NEDD4L: variants seen among roughly 807,000 people sequenced by gnomAD.
NEDD4L encodes the protein E3 ubiquitin-protein ligase NEDD4-like.
A neutral mutation model predicts 148.9 loss-of-function variants in NEDD4L; 54 were observed. The ratio of observed to expected loss-of-function variants is 0.36; its 90% CI spans 0.29 to 0.45. NEDD4L has a LOEUF of 0.45. NEDD4L is among the 20% of genes least tolerant of loss of function. The probability of loss-of-function intolerance (pLI) is 1.00; values close to 1 mark genes in which losing one functional copy is unlikely to be tolerated. For synonymous variants in NEDD4L, 433 were observed against 440.7 expected, an observed-to-expected ratio of 0.98 and a Z score of 0.22; for missense variants, 856 against 1,233.8, an observed-to-expected ratio of 0.69 and a Z score of 4.59.
chr18:58,178,767 G>A (rs909087089), intron 2 of NEDD4L, among the ~76,000 whole-genome samples: 1 of 152,176 alleles, frequency 6.6e-6, no homozygotes, highest in African/African-American at 2.4e-5. Flanking sequence ...AGGGTTGTTC[G>A]CATTTTTATC....
chr18:58,048,684 G>A (rs1049000990), intron 1 of NEDD4L, among the ~76,000 whole-genome samples: 1 of 152,130 alleles, frequency 6.6e-6, no homozygotes, highest in Admixed American at 6.5e-5. Context: ...ATTTGACCAG[G>A]AACCCTGCTT....
chr18:58,388,157 A>G (rs2049294540), intron 27 of NEDD4L: 1 of 152,186 alleles, frequency 6.6e-6, no homozygotes, highest in Admixed American at 6.5e-5. Flanking sequence ...ACAAAGGAAT[A>G]TCTCGCCCTT....
At position 58,245,040 on chromosome 18, in the gene NEDD4L, T is replaced by A. The variant is rs1312293904; in HGVS notation, c.123-387T>A. On this transcript the variant is annotated intron_variant, in intron 2 of 30. Coordinates refer to ENST00000400345, the MANE Select transcript of NEDD4L (RefSeq NM_001144967.3). The stretch of plus-strand genomic sequence containing the variant: ...GTAAAATGGTAGGTGTTGGGTCACA[T>A]GAACAATGGCTCTTTTACCTCCACT... Among the ~76,000 whole-genome samples, 6 of 152,292 alleles carry A rather than the reference T, an allele frequency of 3.9e-5. No individual in the cohort carries two copies. In the East Asian group the frequency reaches 7.7e-4, roughly 20 times the overall value.
At chr18:58,312,923 G>A (rs1375392243) in intron 5 of NEDD4L, among the ~76,000 whole-genome samples, 1 of 152,162 alleles carries the variant, frequency 6.6e-6, no homozygotes, top group Non-Finnish European at 1.5e-5. Flanking sequence ...CAAGTGATCT[G>A]CCCGCCTCAG....
chr18:58,083,613 G>T (rs972328185), intron 1 of NEDD4L, among the ~76,000 whole-genome samples: 1 of 152,118 alleles, frequency 6.6e-6, no homozygotes, highest in African/African-American at 2.4e-5. Context: ...GCATGAACTC[G>T]GGAGGCAGAG....
At chr18:58,060,065 C>T (rs1287191368) in intron 1 of NEDD4L, among the ~76,000 whole-genome samples, 5 of 131,598 alleles carry the variant, frequency 3.8e-5, no homozygotes, top group South Asian at 2.5e-4. Flanking sequence ...ACAAGCAGTC[C>T]GGTTGTAGAC....
chr18:58,076,324 A>T (rs145370035), intron 1 of NEDD4L, among the ~76,000 whole-genome samples: 7 of 152,202 alleles, frequency 4.6e-5, no homozygotes, highest in Non-Finnish European at 1.0e-4. Context: ...CCTTGATTCC[A>T]TTCGTAATAC....
chr18:58,223,442 G>T (rs1431690403), intron 2 of NEDD4L, among the ~76,000 whole-genome samples: 1 of 152,182 alleles, frequency 6.6e-6, no homozygotes, highest in Non-Finnish European at 1.5e-5. Context: ...TGTGGTGATG[G>T]TGGGGGGCTC....
At position 58,064,348 on chromosome 18, in the gene NEDD4L, G is replaced by A. The variant is rs187219050; in HGVS notation, c.48+19640G>A. On this transcript the variant is annotated intron_variant, in intron 1 of 30. Coordinates refer to ENST00000400345, the MANE Select transcript of NEDD4L (RefSeq NM_001144967.3). The stretch of plus-strand genomic sequence containing the variant: ...TCACCATAGCCATCACTATAACACC[G>A]TAACAAACATGCAAATTTGTTACAA... 1.6e-4 allele frequency among the ~76,000 whole-genome samples: 24 copies of A among 152,284 alleles called. No individual in the cohort carries two copies. The East Asian group carries it at 3.7e-3, about 23-fold the overall frequency.
intron 5 of NEDD4L, among the ~76,000 whole-genome samples, chr18:58,289,890 A>G (rs7235620): frequency 0.17 from 26,168 of 152,224 alleles, 2,456 homozygotes; most frequent in Non-Finnish European, 0.19. Flanking sequence ...TCAGGGTCTC[A>G]CCCCAGCATT....
At chr18:58,301,543 A>G (rs1188056973) in intron 5 of NEDD4L, among the ~76,000 whole-genome samples, 1 of 152,156 alleles carries the variant, frequency 6.6e-6, no homozygotes, top group African/African-American at 2.4e-5. Flanking sequence ...TTTTGTGCAT[A>G]TCTTCATGAT....
intron 5 of NEDD4L, among the ~76,000 whole-genome samples, chr18:58,267,402 C>T (rs1486064665): frequency 6.6e-6 from 1 of 151,944 alleles, no homozygotes; most frequent in Non-Finnish European, 1.5e-5. Context: ...TGTAACAGTT[C>T]CCAAGGAACT....
intron 2 of NEDD4L, among the ~76,000 whole-genome samples, chr18:58,177,628 A>T (rs907136485): frequency 1.3e-5 from 2 of 152,304 alleles, no homozygotes; most frequent in South Asian, 4.1e-4. Context: ...GGGGCCTCCT[A>T]TGCATCTGTG....
rs1270237337 is a variant in NEDD4L at position 58,134,623 on chromosome 18, C to T, written c.49-31165C>T. On this transcript the variant is annotated intron_variant, in intron 1 of 30. Coordinates refer to ENST00000400345, the MANE Select transcript of NEDD4L (RefSeq NM_001144967.3). ...TCCTGACCTCGTGATCCGCCCGCCT[C>T]GGCCTCCCAAAGTGCTGGGATTACA... Among the ~76,000 whole-genome samples, 3 of 2,448 alleles carry T rather than the reference C, an allele frequency of 1.2e-3. 1 individual carries two copies. Among genetic ancestry groups the T allele is most frequent in the Non-Finnish European group, 2.4e-3 (3 of 1,262 alleles). The allele number at this position is 2,448 out of a possible 152,430, so 1.6% of individuals were successfully genotyped here.
At chr18:58,336,741 A>G (rs1481560385) in intron 13 of NEDD4L, among the ~76,000 whole-genome samples, 1 of 152,222 alleles carries the variant, frequency 6.6e-6, no homozygotes, top group Non-Finnish European at 1.5e-5. Flanking sequence ...AACTGGCAAC[A>G]GTCAGCCCCA....
chr18:58,201,899 T>G (rs1486920598), intron 2 of NEDD4L, among the ~76,000 whole-genome samples: 2 of 152,242 alleles, frequency 1.3e-5, no homozygotes, highest in Non-Finnish European at 2.9e-5. Context: ...TTTATAACTC[T>G]GTGCTATACG....
intron 28 of NEDD4L, chr18:58,390,388 C>G: frequency 2.8e-6 from 1 of 356,312 alleles, no homozygotes; most frequent in South Asian, 5.7e-5. Context: ...TTGGTGCCAT[C>G]AGAGAGTTTG....
At chr18:58,395,805 G>A (rs2050415447) in intron 30 of NEDD4L, among the ~76,000 whole-genome samples, 1 of 152,156 alleles carries the variant, frequency 6.6e-6, no homozygotes. Flanking sequence ...TGTGGAATAA[G>A]TAATAGTATT....
At chr18:58,065,366 G>A (rs1052368318) in intron 1 of NEDD4L, among the ~76,000 whole-genome samples, 2 of 152,232 alleles carry the variant, frequency 1.3e-5, no homozygotes, top group Admixed American at 6.5e-5. Context: ...AGTGCCTGGC[G>A]AGGTGGAGCT....
Sources: gnomAD v4.1 joint callset for allele counts (sites outside exome capture counted in the v4.1 genomes callset) on GRCh38, gnomAD v4.1.1 for gene constraint, MANE v1.5 for transcripts, NCBI Gene and HGNC (gene_info 2026-07-23, HGNC 2026-07-21) for gene names.